Variants in PC observed in about 807,000 individuals in gnomAD.
The protein encoded by PC is pyruvate carboxylase, also known as pyruvate carboxylase, mitochondrial.
A neutral mutation model predicts 107.8 loss-of-function variants in PC; 46 were observed. That is an observed-to-expected ratio of 0.43 (90% CI 0.34 to 0.55). The LOEUF (loss-of-function observed/expected upper bound fraction) is 0.55. Among genes scored for constraint, PC ranks in the 20% least tolerant of loss-of-function variants. PC has a pLI of 0.04. For synonymous variants in PC, 662 were observed against 684.7 expected (o/e 0.97, Z 0.52); for missense variants, 1,241 against 1,643.1 (o/e 0.76, Z 4.23).
chr11:66,943,869 A>G (rs1037538170), intron 3 of PC, among the ~76,000 whole-genome samples: 1 of 149,414 alleles, frequency 6.7e-6, no homozygotes, highest in Non-Finnish European at 1.5e-5. Flanking sequence ...GTGTATTCCC[A>G]GCTAATAGAG....
Position 66,866,074 on chromosome 11 carries a change from T to A in PC, c.1185+113A>T. Reference sequence around the variant, plus strand: ...CTCTATGTCCACTTCAGAGCCCACATGCGGGTCCTCCCTAACTGCCGGGCT... The same window carrying A: ...CTCTATGTCCACTTCAGAGCCCACAAGCGGGTCCTCCCTAACTGCCGGGCT... On this transcript the variant is annotated intron_variant, in intron 11 of 22. Transcript: ENST00000393960. The surrounding 1 kb of genome is among the most constrained non-coding windows in gnomAD (Gnocchi z 5.4). 1 of 1,202,738 alleles carries A rather than the reference T, an allele frequency of 8.3e-7. No individual in the cohort carries two copies. Among genetic ancestry groups the A allele is most frequent in the Non-Finnish European group, 1.2e-6 (1 of 842,906 alleles). The allele number at this position is 1,202,738 out of a possible 1,614,324, so 74.5% of individuals were successfully genotyped here.
At chr11:66,878,834 G>T (rs1947078952) in intron 3 of PC, among the ~76,000 whole-genome samples, 1 of 152,228 alleles carries the variant, frequency 6.6e-6, no homozygotes, top group African/African-American at 2.4e-5. Context: ...GCAGGGAAAA[G>T]TGGAACAGAG....
intron 3 of PC, among the ~76,000 whole-genome samples, chr11:66,923,722 A>G (rs11227630): frequency 0.44 from 66,296 of 151,180 alleles, 14,843 homozygotes; most frequent in Middle Eastern, 0.49. Flanking sequence ...GTTTCACCAC[A>G]TTGGCCAGGC....
chr11:66,866,093 C>G lies in PC; in HGVS notation c.1185+94G>C. 2 of 1,420,736 alleles carry G rather than the reference C, an allele frequency of 1.4e-6. No individual in the cohort carries two copies. The highest frequency in any genetic ancestry group is 1.2e-5 in the South Asian group (1 of 80,610). 88.0% of individuals were successfully genotyped at this position (1,420,736 alleles called of 1,614,324 possible). On this transcript the variant is annotated intron_variant, in intron 11 of 22. Transcript: ENST00000393960. This position sits in a 1 kb window ranked among gnomAD's most constrained non-coding sequence, Gnocchi z 5.4. ...CCCACATGCGGGTCCTCCCTAACTG[C>G]CGGGCTGTGGCAACTTGGCACTGCA...
At chr11:66,934,324 GATTTC>G (rs1036807150) in intron 3 of PC, 14 of 152,634 alleles carry the variant, frequency 9.2e-5, no homozygotes, top group Non-Finnish European at 1.6e-4. Flanking sequence ...ATGACTGTGT[GATTTC>G]ATTTGTTTAT....
intron 3 of PC, among the ~76,000 whole-genome samples, chr11:66,942,354 C>T (rs1275243482): frequency 2.0e-5 from 3 of 149,002 alleles, no homozygotes; most frequent in Admixed American, 6.7e-5. Context: ...GAGCCGAGAT[C>T]GCACCACTGC....
chr11:66,918,377 T>C (rs1948511862), intron 3 of PC, among the ~76,000 whole-genome samples: 1 of 150,968 alleles, frequency 6.6e-6, no homozygotes, highest in Admixed American at 6.6e-5. Flanking sequence ...TCAAAAAACA[T>C]ATACAAAATC....
chr11:66,892,538 TGA>T (rs1425260428), intron 3 of PC, among the ~76,000 whole-genome samples: 3 of 152,072 alleles, frequency 2.0e-5, no homozygotes, highest in Non-Finnish European at 4.4e-5. Context: ...GCATCAGAGA[TGA>T]GAGATTGAAC....
chr11:66,872,853 T>G (rs1379111607), intron 3 of PC, among the ~76,000 whole-genome samples: 1 of 149,124 alleles, frequency 6.7e-6, no homozygotes, highest in African/African-American at 2.5e-5. Context: ...CTGGCCAACA[T>G]GGTGAAACCC....
In PC at chr11:66,858,912, G is replaced by A. The variant is rs1451633766; in HGVS notation, c.1368+4862C>T. The A allele has an allele frequency of 6.4e-7, 1 of 1,566,052 alleles. No individual in the cohort carries two copies. The highest frequency in any genetic ancestry group is 8.7e-7 in the Non-Finnish European group (1 of 1,154,418). ...GGGCCGCCCCGGGCCCTCGGACATC[G>A]CCGCCTCCGCTCGCACTGCTGCCGA... On this transcript the variant is annotated intron_variant, in intron 12 of 22. Coordinates refer to ENST00000393960, the MANE Select transcript of PC (RefSeq NM_001040716.2). This position sits in a 1 kb window ranked among gnomAD's most constrained non-coding sequence, Gnocchi z 5.9.
At chr11:66,855,371 G>C (rs935816969) in intron 12 of PC, among the ~76,000 whole-genome samples, 8 of 152,178 alleles carry the variant, frequency 5.3e-5, no homozygotes, top group African/African-American at 1.9e-4. Context: ...CTGGAATTCA[G>C]TGGCACAATC....
chr11:66,948,946 G>C (rs1447515751), intron 3 of PC, among the ~76,000 whole-genome samples: 1 of 151,918 alleles, frequency 6.6e-6, no homozygotes, highest in East Asian at 1.9e-4. Context: ...TTAGGTATTA[G>C]AGGGTTTTTT....
intron 3 of PC, among the ~76,000 whole-genome samples, chr11:66,900,699 T>G (rs765401358): frequency 2.3e-4 from 35 of 152,230 alleles, no homozygotes; most frequent in Non-Finnish European, 4.7e-4. Flanking sequence ...TTCATAGTTT[T>G]CAGAGTATAA....
At chr11:66,873,471 A>T (rs1404720571) in intron 3 of PC, among the ~76,000 whole-genome samples, 2 of 76,708 alleles carry the variant, frequency 2.6e-5, no homozygotes, top group Admixed American at 2.3e-4. Context: ...TATTATATAT[A>T]ATATAATATA....
At chr11:66,861,969 G>T (rs1055851611) in intron 12 of PC, among the ~76,000 whole-genome samples, 1 of 152,116 alleles carries the variant, frequency 6.6e-6, no homozygotes, top group African/African-American at 2.4e-5. Flanking sequence ...TTGGCACGTG[G>T]GGAGCTGCTG....
chr11:66,931,699 G>T (rs953023586), intron 3 of PC, among the ~76,000 whole-genome samples: 2 of 152,082 alleles, frequency 1.3e-5, no homozygotes, highest in African/African-American at 4.8e-5. Flanking sequence ...GAGCAGAAAG[G>T]GCACAGGAGA....
intron 3 of PC, among the ~76,000 whole-genome samples, chr11:66,882,982 A>G (rs1275710257): frequency 6.6e-6 from 1 of 152,214 alleles, no homozygotes; most frequent in African/African-American, 2.4e-5. Context: ...AGAAGACAGG[A>G]GAGAGACAAT....
At chr11:66,946,092 C>CAAAAAAAA (rs757767116) in intron 3 of PC, among the ~76,000 whole-genome samples, 2 of 66,074 alleles carry the variant, frequency 3.0e-5, no homozygotes. Flanking sequence ...GACTCCGTCT[C>CAAAAAAAA]AAAAAAAAAA....
At chr11:66,923,457 G>A (rs1312212515) in intron 3 of PC, among the ~76,000 whole-genome samples, 3 of 151,770 alleles carry the variant, frequency 2.0e-5, no homozygotes, top group African/African-American at 7.3e-5. Context: ...GAGACCCATC[G>A]GTTCATTCCT....
Sources: allele counts gnomAD v4.1 joint callset (sites outside exome capture counted in the v4.1 genomes callset), GRCh38; gene constraint gnomAD v4.1.1; non-coding constraint Gnocchi (gnomAD v3.1); transcripts MANE v1.5; gene names NCBI Gene and HGNC (gene_info 2026-07-23, HGNC 2026-07-21).